HTR1F: variants seen among roughly 807,000 people sequenced by gnomAD.
The protein encoded by HTR1F is 5-hydroxytryptamine (serotonin) receptor 1F, G protein-coupled.
In HTR1F, 17 loss-of-function variants were observed where a neutral mutation model predicts 24.0. That is an observed-to-expected ratio of 0.71 (90% CI 0.48 to 1.06). The LOEUF is 1.06. Ranked by LOEUF, HTR1F falls within the 50% of genes least tolerant of loss-of-function variation. HTR1F has a pLI of 0.00. For synonymous variants in HTR1F, 186 were observed against 156.8 expected (o/e 1.19, Z -1.39); for missense variants, 391 against 427.8 (o/e 0.91, Z 0.76).
intron 2 of HTR1F, among the ~76,000 whole-genome samples, chr3:87,876,529 T>A (rs1191389448): frequency 6.6e-6 from 1 of 152,122 alleles, no homozygotes. Flanking sequence ...AATCACAAAA[T>A]GACAAATGCT....
intron 2 of HTR1F, among the ~76,000 whole-genome samples, chr3:87,934,517 C>T (rs1388408763): frequency 6.6e-6 from 1 of 152,158 alleles, no homozygotes; most frequent in Non-Finnish European, 1.5e-5. Flanking sequence ...TCATGAAACC[C>T]CAGCTCCTGT....
In HTR1F at chr3:87,966,768, C is replaced by T. The variant is rs540923040; in HGVS notation, c.-42-23940C>T. Reference sequence around the variant, plus strand: ...GGAAAATTTCTTAAGTACATTAACTCATATACTCTTAATTAGTTAAGAGTA... The same window carrying T: ...GGAAAATTTCTTAAGTACATTAACTTATATACTCTTAATTAGTTAAGAGTA... On this transcript the variant is annotated intron_variant, in intron 2 of 2. Transcript: ENST00000319595. Among the ~76,000 whole-genome samples, 28 of 152,240 alleles carry T rather than the reference C, an allele frequency of 1.8e-4. 1 individual carries two copies. The highest frequency in any genetic ancestry group is 6.5e-4 in the African/African-American group (27 of 41,556).
chr3:87,811,290 A>C (rs1000986826), intron 1 of HTR1F, among the ~76,000 whole-genome samples: 1 of 149,298 alleles, frequency 6.7e-6, no homozygotes, highest in Non-Finnish European at 1.5e-5. Flanking sequence ...AAAAAAAAAA[A>C]GCCTTCCTAC....
intron 2 of HTR1F, among the ~76,000 whole-genome samples, chr3:87,913,796 G>A (rs1703832171): frequency 6.6e-6 from 1 of 152,126 alleles, no homozygotes; most frequent in South Asian, 2.1e-4. Flanking sequence ...AACATGGGTA[G>A]AGCTGGAGAC....
rs749951767 is a variant in HTR1F, at chr3:87,991,187, A to T, written c.438A>T (p.Ile146=). The T allele has an allele frequency of 6.2e-7, 1 of 1,614,032 alleles. No individual in the cohort carries two copies. Among genetic ancestry groups the T allele is most frequent in the Non-Finnish European group, 8.5e-7 (1 of 1,179,986 alleles). ...TPKHAGIMIT[I]VWIISVFISM... ...AGCATGCTGGCATTATGATTACAAT[A>T]GTTTGGATTATATCTGTTTTTATCT... Residue 146 remains isoleucine (I), a synonymous_variant, in exon 3 of 3, where the codon ATA becomes ATT. Transcript: ENST00000319595.
chr3:87,826,594 C>T (rs2107138583), intron 2 of HTR1F, among the ~76,000 whole-genome samples: 1 of 152,276 alleles, frequency 6.6e-6, no homozygotes, highest in East Asian at 1.9e-4. Context: ...CATTGCCAAC[C>T]TTTGCTTCAT....
At chr3:87,978,317 A>T (rs1417701175) in intron 2 of HTR1F, among the ~76,000 whole-genome samples, 1 of 152,108 alleles carries the variant, frequency 6.6e-6, no homozygotes, top group Non-Finnish European at 1.5e-5. Context: ...CCACAACTTG[A>T]TGAGTCGGGG....
In HTR1F at chr3:87,945,175, G is replaced by T. The variant is rs111943012; in HGVS notation, c.-42-45533G>T. Among the ~76,000 whole-genome samples, 222 of 151,460 alleles carry T rather than the reference G, an allele frequency of 1.5e-3. 2 individuals carry two copies. The highest frequency in any genetic ancestry group is 5.3e-3 in the African/African-American group (217 of 41,214). Reference sequence around the variant, plus strand: ...TCCTTCTCTTAGCCATTACAGACTTGGGGCCCTGGCAAGGATGGTGGGGAA... The same window carrying T: ...TCCTTCTCTTAGCCATTACAGACTTTGGGCCCTGGCAAGGATGGTGGGGAA... On this transcript the variant is annotated intron_variant, in intron 2 of 2. Coordinates refer to ENST00000319595, the MANE Select transcript of HTR1F (RefSeq NM_001322209.2).
intron 2 of HTR1F, among the ~76,000 whole-genome samples, chr3:87,920,438 G>A (rs753683417): frequency 3.3e-5 from 5 of 151,824 alleles, no homozygotes; most frequent in Non-Finnish European, 4.4e-5. Flanking sequence ...ATAAGCTACT[G>A]CAAGACCCTG....
At chr3:87,866,016 GC>G (rs1705419444) in intron 2 of HTR1F, among the ~76,000 whole-genome samples, 1 of 152,102 alleles carries the variant, frequency 6.6e-6, no homozygotes, top group Non-Finnish European at 1.5e-5. Flanking sequence ...GTTTTATGAT[GC>G]AATGCCAGAA....
At chr3:87,848,428 G>A (rs1175124875) in intron 2 of HTR1F, among the ~76,000 whole-genome samples, 1 of 151,690 alleles carries the variant, frequency 6.6e-6, no homozygotes, top group Non-Finnish European at 1.5e-5. Flanking sequence ...TGCGGAACAA[G>A]TAATTTGCAA....
chr3:87,948,335 G>A (rs559387158), intron 2 of HTR1F, among the ~76,000 whole-genome samples: 4 of 152,246 alleles, frequency 2.6e-5, no homozygotes, highest in Admixed American at 6.5e-5. Flanking sequence ...AGAATAAAGA[G>A]GCTCCAAGAC....
intron 2 of HTR1F, among the ~76,000 whole-genome samples, chr3:87,881,196 T>A (rs577118211): frequency 1.3e-5 from 2 of 152,314 alleles, no homozygotes; most frequent in South Asian, 4.2e-4. Context: ...CGTGACAGAC[T>A]GTACCTGGAA....
intron 2 of HTR1F, among the ~76,000 whole-genome samples, chr3:87,974,319 A>G (rs1576108765): frequency 6.6e-6 from 1 of 152,330 alleles, no homozygotes; most frequent in Non-Finnish European, 1.5e-5. Flanking sequence ...AGATTTTTCC[A>G]TATTCAGTAT....
chr3:87,978,874 AAGGG>A (rs772735561), intron 2 of HTR1F, among the ~76,000 whole-genome samples: 2 of 54,128 alleles, frequency 3.7e-5, no homozygotes, highest in African/African-American at 1.0e-4. Context: ...GGATGGAAGG[AAGGG>A]AGGGAGGGAG....
chr3:87,924,411 C>T (rs577718975), intron 2 of HTR1F, among the ~76,000 whole-genome samples: 1 of 152,094 alleles, frequency 6.6e-6, no homozygotes, highest in East Asian at 1.9e-4. Context: ...TTGTGACTTT[C>T]TGTAGTGACA....
At chr3:87,836,279 A>G (rs1704681190) in intron 2 of HTR1F, among the ~76,000 whole-genome samples, 1 of 152,206 alleles carries the variant, frequency 6.6e-6, no homozygotes, top group African/African-American at 2.4e-5. Context: ...AATTACCATT[A>G]GCGAGAGAAT....
chr3:87,875,454 A>T (rs1158229044), intron 2 of HTR1F, among the ~76,000 whole-genome samples: 1 of 151,516 alleles, frequency 6.6e-6, no homozygotes, highest in African/African-American at 2.4e-5. Context: ...CATCTCAAAA[A>T]AAGAAAAAAA....
chr3:87,890,253 A>T (rs1167454276), intron 2 of HTR1F, among the ~76,000 whole-genome samples: 1 of 152,212 alleles, frequency 6.6e-6, no homozygotes, highest in Non-Finnish European at 1.5e-5. Context: ...ACTGAAATAC[A>T]AGTTACTCTT....
Sources: allele counts gnomAD v4.1 joint callset (sites outside exome capture counted in the v4.1 genomes callset), GRCh38; gene constraint gnomAD v4.1.1; transcripts MANE v1.5; gene names NCBI Gene and HGNC (gene_info 2026-07-23, HGNC 2026-07-21).